Variants in CCR5AS observed in about 807,000 individuals in gnomAD.
CCR5AS encodes the protein CCR5 antisense RNA.
At chr3:46,393,188 T>C (rs1701927425) in intron 1 of CCR5AS, 1 of 150,938 alleles carries the variant, frequency 6.6e-6, no homozygotes, top group Admixed American at 6.6e-5. Context: ...CGGTGGGGAG[T>C]TCCTGAGACT....
intron 1 of CCR5AS, among the ~76,000 whole-genome samples, chr3:46,404,002 G>C (rs1186814589): frequency 1.3e-5 from 2 of 152,220 alleles, no homozygotes; most frequent in African/African-American, 2.4e-5. Context: ...AAGGAGAAAT[G>C]TTTATGGGGT....
At chr3:46,390,972 C>T (rs755042952) in intron 2 of CCR5AS, among the ~76,000 whole-genome samples, 3 of 152,174 alleles carry the variant, frequency 2.0e-5, no homozygotes, top group Non-Finnish European at 4.4e-5. Context: ...AAGAGTTACC[C>T]AAAGCATCTG....
chr3:46,373,058 C>A (rs1701687138), intron 2 of CCR5AS: 1 of 1,614,080 alleles, frequency 6.2e-7, no homozygotes. Flanking sequence ...TGCTGGTCAT[C>A]CTCATCCTGA....
At chr3:46,390,924 G>A (rs973288822) in intron 2 of CCR5AS, among the ~76,000 whole-genome samples, 10 of 152,304 alleles carry the variant, frequency 6.6e-5, no homozygotes, top group South Asian at 2.1e-4. Context: ...GGTAGCCTCC[G>A]TATTGATTAA....
chr3:46,365,476 T>C (rs1701590998), intron 3 of CCR5AS, among the ~76,000 whole-genome samples: 1 of 152,252 alleles, frequency 6.6e-6, no homozygotes, highest in Non-Finnish European at 1.5e-5. Flanking sequence ...CAGTATAGGA[T>C]AAACACAACT....
At chr3:46,364,830 C>T (rs970854091) in exon 4 of CCR5AS, 3 of 152,162 alleles carry the variant, frequency 2.0e-5, no homozygotes, top group Non-Finnish European at 4.4e-5. Context: ...TTGATTCCAA[C>T]CCCCATAGAT....
intron 2 of CCR5AS, chr3:46,373,731 C>G: frequency 6.2e-7 from 1 of 1,613,906 alleles, no homozygotes; most frequent in Non-Finnish European, 8.5e-7. Context: ...CAGGTTGGAC[C>G]AAGCTATGCA....
At chr3:46,406,609 C>G (rs1299363032) in intron 1 of CCR5AS, among the ~76,000 whole-genome samples, 3 of 152,168 alleles carry the variant, frequency 2.0e-5, no homozygotes, top group Non-Finnish European at 2.9e-5. Flanking sequence ...TGTGTCATCA[C>G]CACGGGATTT....
intron 1 of CCR5AS, among the ~76,000 whole-genome samples, chr3:46,406,661 C>G (rs1702051566): frequency 6.6e-6 from 1 of 152,140 alleles, no homozygotes; most frequent in Admixed American, 6.5e-5. Flanking sequence ...GTCAGCTCCC[C>G]CATGAGTCAC....
exon 4 of CCR5AS, among the ~76,000 whole-genome samples, chr3:46,364,714 AT>A (rs1701583991): frequency 6.6e-6 from 1 of 152,190 alleles, no homozygotes; most frequent in South Asian, 2.1e-4. Context: ...AGCAAAGCAA[AT>A]TGAAAAGCTT....
intron 2 of CCR5AS, among the ~76,000 whole-genome samples, chr3:46,392,305 C>A (rs1043649729): frequency 1.3e-5 from 2 of 152,120 alleles, no homozygotes; most frequent in Non-Finnish European, 2.9e-5. Context: ...CTTATAAGCC[C>A]CTTAAAATTA....
At chr3:46,395,909 A>T (rs17782551) in intron 1 of CCR5AS, among the ~76,000 whole-genome samples, 10,343 of 152,244 alleles carry the variant, frequency 0.068, 531 homozygotes, top group South Asian at 0.2. Flanking sequence ...CTCTGTGCAG[A>T]TGTAGGAGCT....
intron 2 of CCR5AS, among the ~76,000 whole-genome samples, chr3:46,386,520 G>A (rs1220799886): frequency 2.0e-5 from 3 of 152,228 alleles, no homozygotes; most frequent in Non-Finnish European, 4.4e-5. Flanking sequence ...CAGTGAGATG[G>A]TGAGAAAGCA....
At chr3:46,404,327 C>CTCTCTCTT (rs774829413) in intron 1 of CCR5AS, among the ~76,000 whole-genome samples, 1 of 75,910 alleles carries the variant, frequency 1.3e-5, no homozygotes, top group Non-Finnish European at 2.2e-5. Flanking sequence ...CTCTCTCTCT[C>CTCTCTCTT]TTTTTTTTTT....
chr3:46,380,050 G>A (rs1701802956), intron 2 of CCR5AS, among the ~76,000 whole-genome samples: 2 of 152,180 alleles, frequency 1.3e-5, no homozygotes, highest in Non-Finnish European at 2.9e-5. Flanking sequence ...GATCTATCCA[G>A]GCAGTTGAAT....
At chr3:46,378,402 C>A (rs11575817) in intron 2 of CCR5AS, among the ~76,000 whole-genome samples, 7,484 of 151,858 alleles carry the variant, frequency 0.049, 617 homozygotes, top group African/African-American at 0.17. Context: ...GTTTGATAAT[C>A]CGTTTTGTGT....
intron 1 of CCR5AS, among the ~76,000 whole-genome samples, chr3:46,403,960 C>T (rs1377379234): frequency 2.0e-5 from 3 of 152,194 alleles, no homozygotes; most frequent in Non-Finnish European, 4.4e-5. Context: ...CCTCTTACTG[C>T]GACCCTCTTA....
chr3:46,371,647 G>A (rs549083541), intron 2 of CCR5AS, among the ~76,000 whole-genome samples: 1 of 152,276 alleles, frequency 6.6e-6, no homozygotes, highest in Admixed American at 6.5e-5. Flanking sequence ...AATAGACTAG[G>A]CAAGACAGCT....
At chr3:46,392,294 G>A (rs1446778404) in intron 2 of CCR5AS, among the ~76,000 whole-genome samples, 2 of 152,318 alleles carry the variant, frequency 1.3e-5, no homozygotes, top group East Asian at 1.9e-4. Context: ...TGATGGCCAG[G>A]CTTATAAGCC....
Sources: gnomAD v4.1 joint callset for allele counts (sites outside exome capture counted in the v4.1 genomes callset) on GRCh38, gnomAD v4.1.1 for gene constraint, MANE v1.5 for transcripts, NCBI Gene and HGNC (gene_info 2026-07-23, HGNC 2026-07-21) for gene names.